DLC1: variants seen among roughly 807,000 people sequenced by gnomAD.
DLC1 encodes the protein rho GTPase-activating protein 7.
DLC1 carries 54 observed loss-of-function variants against 140.3 expected under a neutral mutation model. That is an observed-to-expected ratio of 0.38 (90% CI 0.31 to 0.48). The LOEUF is 0.48. Among genes scored for constraint, DLC1 ranks in the 20% least tolerant of loss-of-function variants. The pLI, the probability that DLC1 is intolerant of heterozygous loss-of-function variation, is 0.96. For missense variants in DLC1, 2,536 were observed against 1,907.0 expected (o/e 1.33, Z -6.14); for synonymous variants, 986 against 728.1 (o/e 1.35, Z -5.70).
At chr8:13,437,149 C>T (rs1839156948) in intron 2 of DLC1, among the ~76,000 whole-genome samples, 1 of 152,168 alleles carries the variant, frequency 6.6e-6, no homozygotes, top group African/African-American at 2.4e-5. Flanking sequence ...CTACGCCATT[C>T]CTACTGTTTC....
At chr8:13,183,292 T>C (rs1178551486) in intron 5 of DLC1, among the ~76,000 whole-genome samples, 3 of 152,242 alleles carry the variant, frequency 2.0e-5, no homozygotes, top group Non-Finnish European at 4.4e-5. Flanking sequence ...CATTCCCTAA[T>C]TGAATACCCT....
intron 1 of DLC1, among the ~76,000 whole-genome samples, chr8:13,573,599 G>T (rs946908303): frequency 6.6e-6 from 1 of 152,106 alleles, no homozygotes; most frequent in East Asian, 1.9e-4. Context: ...TTCATATATG[G>T]CATTTTCATG....
At chr8:13,231,303 T>C (rs1287902477) in intron 5 of DLC1, among the ~76,000 whole-genome samples, 2 of 152,186 alleles carry the variant, frequency 1.3e-5, no homozygotes, top group Non-Finnish European at 1.5e-5. Context: ...TTTTCATGTG[T>C]CACCAAAGAG....
At chr8:13,419,372 A>G (rs540221214) in intron 2 of DLC1, among the ~76,000 whole-genome samples, 3 of 152,074 alleles carry the variant, frequency 2.0e-5, no homozygotes, top group Non-Finnish European at 4.4e-5. Context: ...AGCTCTTATT[A>G]TTTTGAGATA....
intron 1 of DLC1, among the ~76,000 whole-genome samples, chr8:13,506,530 C>T (rs1334126320): frequency 2.1e-5 from 3 of 146,328 alleles, no homozygotes; most frequent in African/African-American, 7.6e-5. Flanking sequence ...GCTTTATACA[C>T]ATACACACAC....
At chr8:13,095,898 C>A (rs528315287) in intron 10 of DLC1, 51 of 152,392 alleles carry the variant, frequency 3.3e-4, no homozygotes, top group African/African-American at 1.2e-3. Context: ...AAAATAAAAT[C>A]TGCTGCTGAT....
At chr8:13,169,449 T>C (rs1181295960) in intron 5 of DLC1, among the ~76,000 whole-genome samples, 3 of 152,228 alleles carry the variant, frequency 2.0e-5, no homozygotes, top group Non-Finnish European at 2.9e-5. Flanking sequence ...AGAGCTAATA[T>C]GGATAAAATA....
At chr8:13,304,741 C>T (rs1431019443) in intron 5 of DLC1, 2 of 958,880 alleles carry the variant, frequency 2.1e-6, no homozygotes, top group Non-Finnish European at 2.5e-6. Context: ...CTCATCAGTC[C>T]TTGTCCATTT....
At chr8:13,365,147 A>G (rs555110788) in intron 4 of DLC1, among the ~76,000 whole-genome samples, 45 of 152,308 alleles carry the variant, frequency 3.0e-4, no homozygotes, top group African/African-American at 9.9e-4. Context: ...CACAACCTCT[A>G]TCCTGTTACT....
chr8:13,295,971 G>C (rs996717681), intron 5 of DLC1, among the ~76,000 whole-genome samples: 1 of 10,868 alleles, frequency 9.2e-5, no homozygotes, highest in Non-Finnish European at 2.2e-4. Context: ...TTTTTTTTTG[G>C]AGACAGAGTC....
intron 1 of DLC1, among the ~76,000 whole-genome samples, chr8:13,524,217 A>T (rs1468311599): frequency 6.6e-6 from 1 of 150,522 alleles, no homozygotes; most frequent in East Asian, 1.9e-4. Flanking sequence ...GGCTCAATGC[A>T]AACTCCGCCT....
chr8:13,227,277 A>G (rs1045128794), intron 5 of DLC1, among the ~76,000 whole-genome samples: 1 of 152,186 alleles, frequency 6.6e-6, no homozygotes, highest in Non-Finnish European at 1.5e-5. Flanking sequence ...TCGCCATCTC[A>G]TTATTGCTAC....
intron 2 of DLC1, among the ~76,000 whole-genome samples, chr8:13,407,763 C>G (rs556520729): frequency 6.6e-6 from 1 of 152,290 alleles, no homozygotes; most frequent in African/African-American, 2.4e-5. Flanking sequence ...ATGTGTGTTA[C>G]TGGTTATTCT....
intron 2 of DLC1, among the ~76,000 whole-genome samples, chr8:13,431,259 G>A (rs1007359972): frequency 1.3e-5 from 2 of 151,848 alleles, no homozygotes; most frequent in Non-Finnish European, 2.9e-5. Flanking sequence ...TGAGGCGGGC[G>A]GATCACGAGG....
chr8:13,096,285 G>T (rs934126362), intron 10 of DLC1, among the ~76,000 whole-genome samples: 3 of 152,112 alleles, frequency 2.0e-5, no homozygotes, highest in African/African-American at 7.2e-5. Context: ...ATGGGGGTGG[G>T]CCACTCCGAA....
chr8:13,238,308 C>T (rs1039684315), intron 5 of DLC1, among the ~76,000 whole-genome samples: 1 of 152,078 alleles, frequency 6.6e-6, no homozygotes, highest in Non-Finnish European at 1.5e-5. Flanking sequence ...TTCAAATGTT[C>T]AAGACCAGCC....
chr8:13,502,398 A>T (rs1425241007), intron 1 of DLC1, among the ~76,000 whole-genome samples: 3 of 152,140 alleles, frequency 2.0e-5, no homozygotes, highest in Non-Finnish European at 4.4e-5. Context: ...CATAACGATC[A>T]TTATTACATT....
At chr8:13,133,000 C>A (rs368316161) in intron 5 of DLC1, 19 of 1,607,962 alleles carry the variant, frequency 1.2e-5, no homozygotes, top group Non-Finnish European at 1.6e-5. Flanking sequence ...CAGGCGGCGG[C>A]GGAAGCGCTG....
intron 5 of DLC1, 176 bp downstream of exon 5, chr8:13,305,093 A>G (rs549544465): frequency 2.3e-5 from 30 of 1,290,084 alleles, no homozygotes; most frequent in Middle Eastern, 3.0e-4. Flanking sequence ...TCAGAAAACC[A>G]CGTATATTTT....
Sources: gnomAD v4.1 joint callset for allele counts (sites outside exome capture counted in the v4.1 genomes callset) on GRCh38, gnomAD v4.1.1 for gene constraint, MANE v1.5 for transcripts, NCBI Gene and HGNC (gene_info 2026-07-23, HGNC 2026-07-21) for gene names.